AAMDC: variants seen among roughly 807,000 people sequenced by gnomAD.
The protein encoded by AAMDC is adipogenesis associated Mth938 domain containing, also known as mth938 domain-containing protein.
AAMDC carries 16 observed loss-of-function variants against 15.5 expected under a neutral mutation model. The observed-to-expected ratio is 1.03, with a 90% CI of 0.70 to 1.57. AAMDC has a LOEUF of 1.57. Among genes scored for constraint, AAMDC ranks in the 40% most tolerant of loss-of-function variants. AAMDC has a pLI of 0.00. For missense variants in AAMDC, 141 were observed against 144.9 expected (o/e 0.97, Z 0.14); for synonymous variants, 51 against 51.6 (o/e 0.99, Z 0.05).
chr11:77,857,349 C>G (rs566754482), intron 2 of AAMDC, among the ~76,000 whole-genome samples: 1 of 152,200 alleles, frequency 6.6e-6, no homozygotes, highest in African/African-American at 2.4e-5. Context: ...AGCTTACTGG[C>G]AGGAAAAACA....
chr11:77,878,828 C>A, intron 5 of AAMDC: 2 of 792,514 alleles, frequency 2.5e-6, no homozygotes. Context: ...CCAGATGAGA[C>A]TGTAAGGGTC....
At chr11:77,885,147 G>A (rs922601009) in intron 5 of AAMDC, among the ~76,000 whole-genome samples, 2 of 151,064 alleles carry the variant, frequency 1.3e-5, no homozygotes, top group Non-Finnish European at 3.0e-5. Context: ...GCATGATCTC[G>A]GCTCACTGCA....
At chr11:77,863,629 T>G (rs997541167) in intron 2 of AAMDC, among the ~76,000 whole-genome samples, 1 of 152,100 alleles carries the variant, frequency 6.6e-6, no homozygotes, top group African/African-American at 2.4e-5. Flanking sequence ...CCTCAAGAGA[T>G]CCACCCACCT....
At chr11:77,897,587 A>G (rs1327645283) in intron 5 of AAMDC, among the ~76,000 whole-genome samples, 3 of 149,316 alleles carry the variant, frequency 2.0e-5, no homozygotes, top group African/African-American at 7.5e-5. Flanking sequence ...TGCAAGCTCC[A>G]CCTCCTGGGT....
At chr11:77,846,651 A>AGCCAAGATTGCGCCATTGCACTCC (rs1260037645) in intron 2 of AAMDC, among the ~76,000 whole-genome samples, 6 of 152,236 alleles carry the variant, frequency 3.9e-5, no homozygotes, top group African/African-American at 1.4e-4. Context: ...GGTTGCGGTG[A>AGCCAAGATTGCGCCATTGCACTCC]GCCAAGATTG....
At chr11:77,889,360 C>G (rs1179081324) in intron 5 of AAMDC, among the ~76,000 whole-genome samples, 3 of 139,832 alleles carry the variant, frequency 2.1e-5, no homozygotes, top group African/African-American at 8.2e-5. Flanking sequence ...AACACATGGA[C>G]ACAGGAAGGG....
At chr11:77,850,698 T>C (rs1950333071) in intron 2 of AAMDC, 1 of 152,146 alleles carries the variant, frequency 6.6e-6, no homozygotes, top group Admixed American at 6.6e-5. Flanking sequence ...CATTTCCATA[T>C]ATCCTTTACC....
intron 2 of AAMDC, among the ~76,000 whole-genome samples, chr11:77,853,760 A>T (rs1483300191): frequency 1.3e-5 from 2 of 151,878 alleles, no homozygotes; most frequent in Admixed American, 6.6e-5. Flanking sequence ...GGCCAACATG[A>T]TGAAACCCTG....
chr11:77,857,311 G>C (rs1950662150), intron 2 of AAMDC, among the ~76,000 whole-genome samples: 2 of 152,192 alleles, frequency 1.3e-5, no homozygotes, highest in African/African-American at 4.8e-5. Context: ...TCTTGAAGGA[G>C]AAGTTTCCCA....
At chr11:77,864,681 A>T (rs1951030848) in intron 2 of AAMDC, among the ~76,000 whole-genome samples, 4 of 152,176 alleles carry the variant, frequency 2.6e-5, no homozygotes, top group Admixed American at 2.6e-4. Flanking sequence ...ATGTTCCTTG[A>T]ATAGAATGAC....
At chr11:77,886,760 G>A (rs1033259890) in intron 5 of AAMDC, among the ~76,000 whole-genome samples, 2 of 143,768 alleles carry the variant, frequency 1.4e-5, no homozygotes, top group South Asian at 4.5e-4. Context: ...CCGGCGAGGG[G>A]GCGGGGCAGG....
chr11:77,863,547 C>T (rs1303260884), intron 2 of AAMDC, among the ~76,000 whole-genome samples: 5 of 152,154 alleles, frequency 3.3e-5, no homozygotes, highest in Admixed American at 6.5e-5. Flanking sequence ...TGCCACTACG[C>T]CTGGCTAATT....
At chr11:77,823,311 G>C (rs1949017458) in intron 1 of AAMDC, among the ~76,000 whole-genome samples, 1 of 150,936 alleles carries the variant, frequency 6.6e-6, no homozygotes, top group Non-Finnish European at 1.5e-5. Flanking sequence ...AATTTAATAA[G>C]TCGGAAAATA....
At chr11:77,848,522 T>C (rs1950238411) in intron 2 of AAMDC, among the ~76,000 whole-genome samples, 1 of 152,092 alleles carries the variant, frequency 6.6e-6, no homozygotes, top group African/African-American at 2.4e-5. Flanking sequence ...CTCACTTGGC[T>C]AATTTTTTTG....
chr11:77,830,860 G>A (rs139919420), intron 1 of AAMDC, among the ~76,000 whole-genome samples: 34 of 152,074 alleles, frequency 2.2e-4, no homozygotes, highest in Non-Finnish European at 3.7e-4. Flanking sequence ...GCACTTTATG[G>A]TTGGGCACAG....
chr11:77,895,299 A>G (rs1952461431), intron 5 of AAMDC, among the ~76,000 whole-genome samples: 1 of 152,160 alleles, frequency 6.6e-6, no homozygotes, highest in Non-Finnish European at 1.5e-5. Context: ...CCACCAAGAT[A>G]AAACAAATAC....
At chr11:77,876,305 A>C (rs1951592687), downstream of AAMDC, among the ~76,000 whole-genome samples, 1 of 152,052 alleles carries the variant, frequency 6.6e-6, no homozygotes, top group Non-Finnish European at 1.5e-5. Context: ...TAGCTTCACC[A>C]CTAACTCAGT....
At position 77,841,515 on chromosome 11, in the gene AAMDC, G is replaced by A. The variant is rs575781926; in HGVS notation, c.-18-964G>A. On this transcript the variant is annotated intron_variant, in intron 1 of 3. Transcript: ENST00000393427. ...TTTCTCTCTCTACTGATGGAACACTGTGTGTACAGGGGAGTGCGTTCAAAG... is the reference window on the plus strand; with the variant it reads ...TTTCTCTCTCTACTGATGGAACACTATGTGTACAGGGGAGTGCGTTCAAAG... Among the ~76,000 whole-genome samples the A allele has an allele frequency of 3.9e-5, 6 of 152,302 alleles. No homozygotes were observed. In the South Asian group the frequency reaches 1.2e-3, roughly 32 times the overall value.
chr11:77,850,884 T>A (rs1475176921), intron 2 of AAMDC: 1 of 151,750 alleles, frequency 6.6e-6, no homozygotes, highest in Non-Finnish European at 1.5e-5. Context: ...CCTAAGGACA[T>A]GAATATTCTC....
Sources: allele counts gnomAD v4.1 joint callset (sites outside exome capture counted in the v4.1 genomes callset), GRCh38; gene constraint gnomAD v4.1.1; transcripts MANE v1.5; gene names NCBI Gene and HGNC (gene_info 2026-07-23, HGNC 2026-07-21).